Variants in SMYD3 observed in about 807,000 individuals in gnomAD.
SMYD3 encodes SET and MYND domain containing 3, also known as histone-lysine N-methyltransferase SMYD3.
In SMYD3, 36 loss-of-function variants were observed where a neutral mutation model predicts 57.7. The ratio of observed to expected loss-of-function variants is 0.62; its 90% CI spans 0.48 to 0.82. SMYD3 has a LOEUF of 0.82. Ranked by LOEUF, SMYD3 falls within the 40% of genes least tolerant of loss-of-function variation. The pLI is 0.00. For missense variants in SMYD3, 515 were observed against 538.8 expected, an observed-to-expected ratio of 0.96 and a Z score of 0.44; for synonymous variants, 211 against 195.0, an observed-to-expected ratio of 1.08 and a Z score of -0.68.
At chr1:245,754,530 T>G (rs1337247442) in intron 11 of SMYD3, among the ~76,000 whole-genome samples, 2 of 151,972 alleles carry the variant, frequency 1.3e-5, no homozygotes, top group Non-Finnish European at 2.9e-5. Context: ...AAGGAGGAAA[T>G]GCAAGAAGCA....
chr1:246,135,298 A>T (rs1323863921), intron 5 of SMYD3, among the ~76,000 whole-genome samples: 2 of 152,156 alleles, frequency 1.3e-5, no homozygotes, highest in Admixed American at 6.6e-5. Flanking sequence ...ACCTGCGAAC[A>T]CAAAGCAATT....
At chr1:246,110,887 G>A (rs2061225150) in intron 5 of SMYD3, among the ~76,000 whole-genome samples, 1 of 152,076 alleles carries the variant, frequency 6.6e-6, no homozygotes, top group Non-Finnish European at 1.5e-5. Context: ...CATTTTAAGG[G>A]TTCTAAACCA....
intron 5 of SMYD3, among the ~76,000 whole-genome samples, chr1:246,218,672 G>A (rs1229546156): frequency 6.6e-6 from 1 of 151,414 alleles, no homozygotes; most frequent in Non-Finnish European, 1.5e-5. Flanking sequence ...CTGGCTGACT[G>A]CTATGCAAGT....
intron 5 of SMYD3, among the ~76,000 whole-genome samples, chr1:246,078,519 T>A (rs1289838722): frequency 6.6e-6 from 1 of 152,230 alleles, no homozygotes; most frequent in Non-Finnish European, 1.5e-5. Context: ...CATCTCCTCC[T>A]GCGAGGATGT....
intron 5 of SMYD3, among the ~76,000 whole-genome samples, chr1:246,117,933 T>C (rs75514153): frequency 0.019 from 2,952 of 152,254 alleles, 139 homozygotes; most frequent in East Asian, 0.15. Context: ...TAAGAGATAA[T>C]AGTTACAATA....
intron 11 of SMYD3, among the ~76,000 whole-genome samples, chr1:245,751,599 A>T (rs2045374432): frequency 7.7e-6 from 1 of 129,292 alleles, no homozygotes; most frequent in Non-Finnish European, 1.5e-5. Context: ...AGAGAAAGAG[A>T]GAGAGAGAAA....
intron 5 of SMYD3, among the ~76,000 whole-genome samples, chr1:246,221,581 C>T (rs904147564): frequency 6.6e-6 from 1 of 152,220 alleles, no homozygotes; most frequent in Non-Finnish European, 1.5e-5. Context: ...TCCGGGATGT[C>T]ACCACATTCC....
At chr1:246,195,314 T>C (rs1268449664) in intron 5 of SMYD3, among the ~76,000 whole-genome samples, 2 of 152,240 alleles carry the variant, frequency 1.3e-5, no homozygotes, top group African/African-American at 2.4e-5. Flanking sequence ...AATGTCATTA[T>C]CAAACCACAG....
intron 8 of SMYD3, among the ~76,000 whole-genome samples, chr1:245,896,172 C>T (rs12093267): frequency 0.059 from 8,960 of 152,134 alleles, 890 homozygotes; most frequent in African/African-American, 0.2. Flanking sequence ...AAAAGATGCA[C>T]ACATACTTGG....
At chr1:246,201,873 C>T (rs1000969176) in intron 5 of SMYD3, among the ~76,000 whole-genome samples, 4 of 152,086 alleles carry the variant, frequency 2.6e-5, no homozygotes, top group African/African-American at 4.8e-5. Flanking sequence ...ATTAGCTGGG[C>T]GTGGTGGCTC....
At chr1:245,957,764 C>A (rs1183183187) in intron 5 of SMYD3, among the ~76,000 whole-genome samples, 2 of 152,186 alleles carry the variant, frequency 1.3e-5, no homozygotes, top group Non-Finnish European at 2.9e-5. Context: ...TGAGTATCCT[C>A]ATCATCTAAC....
At position 245,920,175 on chromosome 1, in the gene SMYD3, T is replaced by C. The variant is rs575863491; in HGVS notation, c.703-4535A>G. On this transcript the variant is annotated intron_variant, in intron 7 of 11. Transcript: ENST00000490107. ...AAAAATACAAAAAATTAGCCAGGCGTGGTGGCGGGCGCCTGTAGTCCCAGC... is the reference window on the plus strand; with the variant it reads ...AAAAATACAAAAAATTAGCCAGGCGCGGTGGCGGGCGCCTGTAGTCCCAGC... 5.1e-4 allele frequency among the ~76,000 whole-genome samples: 77 copies of C among 151,970 alleles called. No individual in the cohort carries two copies. In the South Asian group the frequency reaches 0.012, roughly 25 times the overall value.
intron 7 of SMYD3, among the ~76,000 whole-genome samples, chr1:245,921,277 A>T (rs1265992132): frequency 2.0e-5 from 3 of 152,154 alleles, no homozygotes; most frequent in African/African-American, 7.2e-5. Context: ...GTCCAAAAAT[A>T]ACAAATGTTG....
intron 5 of SMYD3, among the ~76,000 whole-genome samples, chr1:246,265,304 G>GT (rs1486704790): frequency 1.4e-5 from 2 of 138,378 alleles, no homozygotes; most frequent in African/African-American, 5.4e-5. Flanking sequence ...GCTAATTTTT[G>GT]TATTTTTTTT....
intron 5 of SMYD3, among the ~76,000 whole-genome samples, chr1:246,248,420 C>G (rs1310886348): frequency 6.6e-6 from 1 of 152,064 alleles, no homozygotes; most frequent in Non-Finnish European, 1.5e-5. Context: ...GAAATGTCTC[C>G]CAACAGAGAC....
chr1:245,772,297 A>C (rs1291218003), intron 10 of SMYD3, among the ~76,000 whole-genome samples: 1 of 152,188 alleles, frequency 6.6e-6, no homozygotes, highest in Non-Finnish European at 1.5e-5. Context: ...TTACTTCATA[A>C]ACTGAGATAC....
rs189637021 is a variant in SMYD3, at chr1:246,437,094, T to C, written c.164+69960A>G. Among the ~76,000 whole-genome samples the C allele has an allele frequency of 3.3e-5, 5 of 152,254 alleles. No individual in the cohort carries two copies. The East Asian group carries it at 7.7e-4, about 24-fold the overall frequency. On this transcript the variant is annotated intron_variant, in intron 1 of 11. Coordinates refer to ENST00000490107, the MANE Select transcript of SMYD3 (RefSeq NM_001167740.2). Reference sequence around the variant, plus strand: ...TTTTGTATTTATTAGAGACAAGGTTTCACCACGTTGGTCAGGCTGGTCTCG... The same window carrying C: ...TTTTGTATTTATTAGAGACAAGGTTCCACCACGTTGGTCAGGCTGGTCTCG...
chr1:245,826,858 TCA>T (rs1356808854), intron 10 of SMYD3, among the ~76,000 whole-genome samples: 1 of 151,964 alleles, frequency 6.6e-6, no homozygotes, highest in East Asian at 1.9e-4. Context: ...TCAAGAGAAC[TCA>T]CTCACTATCA....
chr1:246,269,542 T>C (rs2064177844), intron 5 of SMYD3, among the ~76,000 whole-genome samples: 1 of 104,884 alleles, frequency 9.5e-6, no homozygotes, highest in African/African-American at 3.1e-5. Flanking sequence ...TCTTTTTTTT[T>C]CTTTTTTTTT....
Sources: gnomAD v4.1 joint callset for allele counts (sites outside exome capture counted in the v4.1 genomes callset) on GRCh38, gnomAD v4.1.1 for gene constraint, MANE v1.5 for transcripts, NCBI Gene and HGNC (gene_info 2026-07-23, HGNC 2026-07-21) for gene names.